EPB41L4B: variants seen among roughly 807,000 people sequenced by gnomAD.
The protein encoded by EPB41L4B is erythrocyte membrane protein band 4.1 like 4B.
In EPB41L4B, 30 loss-of-function variants were observed where a neutral mutation model predicts 112.5. That is an observed-to-expected ratio of 0.27 (90% CI 0.20 to 0.36). The LOEUF (loss-of-function observed/expected upper bound fraction) is 0.36, where lower values mean the gene tolerates loss of function less well. Among genes scored for constraint, EPB41L4B ranks in the 10% least tolerant of loss-of-function variants. The pLI is 1.00. For missense variants in EPB41L4B, 1,024 were observed against 1,133.3 expected (o/e 0.90, Z 1.38); for synonymous variants, 408 against 439.7 (o/e 0.93, Z 0.90).
chr9:109,242,696 A>G (rs1834394577), intron 15 of EPB41L4B, among the ~76,000 whole-genome samples: 1 of 152,104 alleles, frequency 6.6e-6, no homozygotes, highest in Non-Finnish European at 1.5e-5. Context: ...TTTATTCTCC[A>G]TACTTTCTCA....
At chr9:109,258,097 T>A (rs1321211648) in intron 7 of EPB41L4B, 80 bp downstream of exon 7, 2 of 1,470,886 alleles carry the variant, frequency 1.4e-6, no homozygotes. Context: ...ACAATTCTAC[T>A]GGTAGATAAA....
At chr9:109,211,844 T>C (rs1302072680) in intron 17 of EPB41L4B, among the ~76,000 whole-genome samples, 3 of 150,748 alleles carry the variant, frequency 2.0e-5, no homozygotes, top group Non-Finnish European at 4.4e-5. Flanking sequence ...GCCTCCCTAG[T>C]AGCTGGGATT....
intron 4 of EPB41L4B, among the ~76,000 whole-genome samples, chr9:109,265,438 A>T (rs1835366943): frequency 6.6e-6 from 1 of 152,042 alleles, no homozygotes. Flanking sequence ...GCTGCGGTGG[A>T]TTGTAACAAA....
At chr9:109,236,234 CA>C (rs1834136264) in intron 15 of EPB41L4B, among the ~76,000 whole-genome samples, 2 of 152,278 alleles carry the variant, frequency 1.3e-5, no homozygotes, top group African/African-American at 4.8e-5. Flanking sequence ...GCAGAACACA[CA>C]CTTGGTTTGA....
At chr9:109,278,232 C>T (rs781332937) in intron 2 of EPB41L4B, among the ~76,000 whole-genome samples, 29 of 151,876 alleles carry the variant, frequency 1.9e-4, no homozygotes, top group Non-Finnish European at 3.1e-4. Context: ...AGAAGGAACC[C>T]GGGAGGGTTC....
At chr9:109,309,382 C>T (rs1028983069) in intron 1 of EPB41L4B, among the ~76,000 whole-genome samples, 1 of 152,172 alleles carries the variant, frequency 6.6e-6, no homozygotes, top group Non-Finnish European at 1.5e-5. Context: ...TTAATTCCTA[C>T]TTAGTGAGGA....
intron 1 of EPB41L4B, among the ~76,000 whole-genome samples, chr9:109,291,996 A>T (rs1564324821): frequency 6.6e-6 from 1 of 152,268 alleles, no homozygotes; most frequent in East Asian, 1.9e-4. Context: ...CTCTGCAGAG[A>T]TTCAAAGCGC....
intron 1 of EPB41L4B, among the ~76,000 whole-genome samples, chr9:109,287,034 A>G (rs1210725974): frequency 6.6e-6 from 1 of 152,186 alleles, no homozygotes; most frequent in Non-Finnish European, 1.5e-5. Flanking sequence ...GAGTCAGTCT[A>G]TGTCTCTGTA....
intron 11 of EPB41L4B, among the ~76,000 whole-genome samples, chr9:109,255,125 G>T (rs1023562846): frequency 6.6e-6 from 1 of 152,346 alleles, no homozygotes; most frequent in Non-Finnish European, 1.5e-5. Context: ...CCTGTGTCCT[G>T]TGTCTATATT....
intron 1 of EPB41L4B, among the ~76,000 whole-genome samples, chr9:109,311,453 T>C (rs1353389609): frequency 3.9e-5 from 6 of 152,016 alleles, no homozygotes; most frequent in Non-Finnish European, 5.9e-5. Flanking sequence ...GGGTAGACCA[T>C]TCCACCCGGG....
intron 17 of EPB41L4B, among the ~76,000 whole-genome samples, chr9:109,208,991 G>A (rs1045510394): frequency 9.9e-5 from 15 of 152,160 alleles, no homozygotes; most frequent in African/African-American, 1.4e-4. Flanking sequence ...AGACAGGACC[G>A]TGTGATTGCT....
In EPB41L4B at chr9:109,251,526, C is replaced by T; in HGVS notation, c.1280-15G>A. The T allele has an allele frequency of 6.2e-7, 1 of 1,613,392 alleles. No individual in the cohort carries two copies. Among genetic ancestry groups the T allele is most frequent in the Non-Finnish European group, 8.5e-7 (1 of 1,179,338 alleles). Reference sequence around the variant, plus strand: ...TGGGTTGCTTGCTATAAAGGAAAAACAGAAAGTTATGACATCTTAGAGAAC... The same window carrying T: ...TGGGTTGCTTGCTATAAAGGAAAAATAGAAAGTTATGACATCTTAGAGAAC... On this transcript the variant is annotated splice_polypyrimidine_tract_variant and intron_variant, in intron 12 of 25. Coordinates refer to ENST00000374566, the MANE Select transcript of EPB41L4B (RefSeq NM_019114.5).
intron 1 of EPB41L4B, among the ~76,000 whole-genome samples, chr9:109,310,966 T>C (rs1837393456): frequency 6.6e-6 from 1 of 152,164 alleles, no homozygotes; most frequent in Non-Finnish European, 1.5e-5. Context: ...GGATTCCACT[T>C]ATATGGGGTA....
intron 16 of EPB41L4B, among the ~76,000 whole-genome samples, chr9:109,214,529 G>A (rs549516578): frequency 2.6e-5 from 4 of 152,296 alleles, no homozygotes; most frequent in South Asian, 2.1e-4. Flanking sequence ...GGAGCAGGAC[G>A]GAACTGAGGA....
intron 15 of EPB41L4B, among the ~76,000 whole-genome samples, chr9:109,234,123 A>T (rs1341237262): frequency 2.0e-5 from 3 of 151,636 alleles, no homozygotes; most frequent in Admixed American, 6.6e-5. Context: ...AAGCTAGCAA[A>T]GGCTATGATT....
intron 1 of EPB41L4B, among the ~76,000 whole-genome samples, chr9:109,313,949 T>A (rs1837523552): frequency 6.6e-6 from 1 of 152,216 alleles, no homozygotes; most frequent in Admixed American, 6.5e-5. Flanking sequence ...TTAATGAAAC[T>A]GTAGATGTTG....
At chr9:109,175,292 C>T (rs928657587) in intron 25 of EPB41L4B, among the ~76,000 whole-genome samples, 2 of 152,042 alleles carry the variant, frequency 1.3e-5, no homozygotes, top group Admixed American at 1.3e-4. Flanking sequence ...GTTTCATGTG[C>T]ATTTTCTCCC....
chr9:109,267,148 G>A (rs900271994), intron 4 of EPB41L4B, among the ~76,000 whole-genome samples: 10 of 152,148 alleles, frequency 6.6e-5, no homozygotes, highest in Non-Finnish European at 1.0e-4. Context: ...ACTGAGAAAT[G>A]CTTTTCCAAT....
At position 109,255,549 on chromosome 9, in the gene EPB41L4B, T is replaced by G. The variant is rs201186256; in HGVS notation, c.1131A>C (p.Arg377Ser). 152 of 1,614,194 alleles carry G rather than the reference T, an allele frequency of 9.4e-5. No homozygotes were observed. The highest frequency in any genetic ancestry group is 3.3e-4 in the Middle Eastern group (2 of 6,062). Residue 377 changes from arginine (R) to serine (S), a missense_variant, in exon 11 of 26, where the codon AGA becomes AGC. Physicochemically the swap from Arg to Ser is moderately radical, Grantham distance 110. Transcript: ENST00000374566. Reference sequence around the variant, plus strand: ...GAGAGCCCAGCCTGATAAAGTCGGATCTATTGGATTTGCTGTTTCCTGGCG... The same window carrying G: ...GAGAGCCCAGCCTGATAAAGTCGGAGCTATTGGATTTGCTGTTTCCTGGCG... ...LRTPGNSKSN[R>S]SDFIRLGSRF...
Sources: allele counts gnomAD v4.1 joint callset (sites outside exome capture counted in the v4.1 genomes callset), GRCh38; gene constraint gnomAD v4.1.1; transcripts MANE v1.5; gene names NCBI Gene and HGNC (gene_info 2026-07-23, HGNC 2026-07-21).